Variants in RYR2 observed in about 807,000 individuals in gnomAD.
RYR2 encodes ryanodine receptor 2.
Under a neutral mutation model 601.1 loss-of-function variants are expected in RYR2, and 227 were observed. The observed-to-expected ratio is 0.38, with a 90% CI of 0.34 to 0.42. The LOEUF is 0.42. Among genes scored for constraint, RYR2 ranks in the 10% least tolerant of loss-of-function variants. The pLI, the probability that RYR2 is intolerant of heterozygous loss-of-function variation, is 1.00. For synonymous variants in RYR2, 2,223 were observed against 2,175.1 expected (o/e 1.02, Z -0.61); for missense variants, 4,646 against 6,156.5 (o/e 0.75, Z 8.21).
chr1:237,759,222 G>A (rs981390707), intron 82 of RYR2, among the ~76,000 whole-genome samples: 9 of 152,132 alleles, frequency 5.9e-5, no homozygotes, highest in African/African-American at 2.2e-4. Context: ...GAGTAGCTGG[G>A]ACTACAGGCA....
chr1:237,511,454 G>C (rs1435509754), intron 23 of RYR2, among the ~76,000 whole-genome samples: 1 of 152,004 alleles, frequency 6.6e-6, no homozygotes, highest in African/African-American at 2.4e-5. Flanking sequence ...TCTGCATGGC[G>C]GGGGTTCATG....
intron 1 of RYR2, among the ~76,000 whole-genome samples, chr1:237,071,595 C>G (rs914240577): frequency 4.2e-4 from 64 of 152,090 alleles, no homozygotes; most frequent in African/African-American, 1.4e-3. Context: ...CCATGGCAGG[C>G]CTGGAAAAAA....
At position 237,602,148 on chromosome 1, in the gene RYR2, T is replaced by C. The variant is rs1220643190; in HGVS notation, c.4683+37T>C. The C allele has an allele frequency of 2.7e-6, 4 of 1,505,322 alleles. No individual in the cohort carries two copies. The Admixed American group carries it at 5.3e-5, about 20-fold the overall frequency. 93.2% of individuals were successfully genotyped at this position (1,505,322 alleles called of 1,614,324 possible). ...TATTCCTGGTATTGTATTTGTATTT[T>C]TTCTATTAGGATATAGCATTGATTT... On this transcript the variant is annotated intron_variant, in intron 35 of 104. Coordinates refer to ENST00000366574, the MANE Select transcript of RYR2 (RefSeq NM_001035.3).
chr1:237,798,801 C>CACACACACACACACACATACAT (rs3835529), intron 97 of RYR2, among the ~76,000 whole-genome samples: 5 of 148,306 alleles, frequency 3.4e-5, no homozygotes, highest in African/African-American at 7.8e-5. Flanking sequence ...CACACACACA[C>CACACACACACACACACATACAT]ATATAGTGTG....
chr1:237,289,544 A>G (rs1691984966), intron 2 of RYR2, among the ~76,000 whole-genome samples: 1 of 152,162 alleles, frequency 6.6e-6, no homozygotes, highest in African/African-American at 2.4e-5. Flanking sequence ...AAGGACCTTA[A>G]CAAATCATCA....
intron 1 of RYR2, among the ~76,000 whole-genome samples, chr1:237,117,517 C>T (rs1289051402): frequency 2.6e-5 from 4 of 152,126 alleles, no homozygotes; most frequent in African/African-American, 7.2e-5. Context: ...AATGAGGCTT[C>T]ATGCCCTGGA....
At chr1:237,193,722 C>T (rs1345227269) in intron 1 of RYR2, among the ~76,000 whole-genome samples, 1 of 152,110 alleles carries the variant, frequency 6.6e-6, no homozygotes, top group Non-Finnish European at 1.5e-5. Context: ...ACTCTGGAAA[C>T]GAGTTGCATA....
intron 1 of RYR2, among the ~76,000 whole-genome samples, chr1:237,139,477 G>A (rs1333028514): frequency 6.6e-6 from 1 of 152,100 alleles, no homozygotes; most frequent in Non-Finnish European, 1.5e-5. Context: ...ACTTTAAATG[G>A]GTGAATTGTA....
chr1:237,444,044 T>C (rs1290339244), intron 13 of RYR2, among the ~76,000 whole-genome samples: 2 of 152,212 alleles, frequency 1.3e-5, no homozygotes, highest in African/African-American at 4.8e-5. Flanking sequence ...CAGTTTTGTT[T>C]GGTTGGTTGA....
chr1:237,180,965 T>C lies in RYR2; in HGVS notation c.49-89532T>C, dbSNP rs1375286187. Among the ~76,000 whole-genome samples, 3 of 151,570 alleles carry C rather than the reference T, an allele frequency of 2.0e-5. No homozygotes were observed. The highest frequency in any genetic ancestry group is 2.1e-4 in the South Asian group (1 of 4,814). On this transcript the variant is annotated intron_variant, in intron 1 of 104. Transcript: ENST00000366574. The surrounding 1 kb of genome is among the most constrained non-coding windows in gnomAD (Gnocchi z 5.3). ...CCTCTCTGAGCAGATTTATCCAATATGCTAAGCACTTTTATTATTTATTTG... is the reference window on the plus strand; with the variant it reads ...CCTCTCTGAGCAGATTTATCCAATACGCTAAGCACTTTTATTATTTATTTG...
chr1:237,262,287 C>G (rs1238442266), intron 1 of RYR2, among the ~76,000 whole-genome samples: 1 of 88,930 alleles, frequency 1.1e-5, no homozygotes, highest in African/African-American at 4.3e-5. Flanking sequence ...TGGAGTTTCA[C>G]TCTTGTCGCC....
At chr1:237,303,076 A>T (rs1341676813) in intron 2 of RYR2, among the ~76,000 whole-genome samples, 1 of 152,030 alleles carries the variant, frequency 6.6e-6, no homozygotes, top group African/African-American at 2.4e-5. Context: ...GGTGAGGCTG[A>T]CCTTTCCCTG....
chr1:237,728,720 T>C (rs1690417141), intron 76 of RYR2, among the ~76,000 whole-genome samples: 1 of 132,570 alleles, frequency 7.5e-6, no homozygotes, highest in Non-Finnish European at 1.5e-5. Context: ...CACTCATAAG[T>C]GGGAGTCGAA....
At chr1:237,329,083 T>A (rs1172515932) in intron 2 of RYR2, among the ~76,000 whole-genome samples, 1 of 152,210 alleles carries the variant, frequency 6.6e-6, no homozygotes, top group Non-Finnish European at 1.5e-5. Context: ...TTTCATTATT[T>A]ATTATGATTT....
chr1:237,602,983 A>G (rs998510802), intron 35 of RYR2, among the ~76,000 whole-genome samples: 1 of 152,218 alleles, frequency 6.6e-6, no homozygotes, highest in Non-Finnish European at 1.5e-5. Flanking sequence ...GATAAATGTG[A>G]AAACATTCTA....
At chr1:237,244,345 G>A (rs1053207680) in intron 1 of RYR2, among the ~76,000 whole-genome samples, 1 of 152,156 alleles carries the variant, frequency 6.6e-6, no homozygotes, top group Admixed American at 6.5e-5. Flanking sequence ...AGTGAGGGTA[G>A]GGGCATCCTC....
chr1:237,137,958 C>T (rs1460918035), intron 1 of RYR2, among the ~76,000 whole-genome samples: 5 of 152,180 alleles, frequency 3.3e-5, no homozygotes, highest in Non-Finnish European at 1.5e-5. Context: ...ACTATCCCAA[C>T]TTTTGTGATA....
At chr1:237,363,770 A>G (rs930448603) in intron 4 of RYR2, among the ~76,000 whole-genome samples, 1 of 152,140 alleles carries the variant, frequency 6.6e-6, no homozygotes, top group African/African-American at 2.4e-5. Context: ...TTATGAAAGG[A>G]GACTGTGTCA....
intron 25 of RYR2, among the ~76,000 whole-genome samples, chr1:237,539,631 G>GA (rs1299537945): frequency 6.6e-6 from 1 of 152,126 alleles, no homozygotes; most frequent in Non-Finnish European, 1.5e-5. Flanking sequence ...ATAAGTGGGA[G>GA]CTCAACAATG....
Sources: allele counts gnomAD v4.1 joint callset (sites outside exome capture counted in the v4.1 genomes callset), GRCh38; gene constraint gnomAD v4.1.1; non-coding constraint Gnocchi (gnomAD v3.1); transcripts MANE v1.5; gene names NCBI Gene and HGNC (gene_info 2026-07-23, HGNC 2026-07-21).